The following NRXN3 variants were observed in gnomAD, a reference collection of about 807,000 sequenced individuals.
NRXN3 encodes the protein neurexin III.
NRXN3 carries 32 observed loss-of-function variants against 137.6 expected under a neutral mutation model. The ratio of observed to expected loss-of-function variants is 0.23; its 90% CI spans 0.18 to 0.31. The LOEUF is 0.31. Ranked by LOEUF, NRXN3 falls within the 10% of genes least tolerant of loss-of-function variation. NRXN3 has a pLI of 1.00. For missense variants in NRXN3, 1,574 were observed against 2,062.5 expected, an observed-to-expected ratio of 0.76 and a Z score of 4.59; for synonymous variants, 798 against 784.5, an observed-to-expected ratio of 1.02 and a Z score of -0.29.
intron 4 of NRXN3, among the ~76,000 whole-genome samples, chr14:78,300,965 A>G (rs1378436917): frequency 1.3e-5 from 2 of 152,122 alleles, no homozygotes; most frequent in Admixed American, 1.3e-4. Flanking sequence ...TCTATCAGGA[A>G]CGGGGGAGGG....
At chr14:78,743,861 T>G (rs2098594313) in intron 8 of NRXN3, among the ~76,000 whole-genome samples, 1 of 152,158 alleles carries the variant, frequency 6.6e-6, no homozygotes, top group Non-Finnish European at 1.5e-5. Flanking sequence ...TTAAGATTGT[T>G]CTAGGATCAT....
At chr14:79,678,142 TCC>T (rs142742749) in intron 17 of NRXN3, among the ~76,000 whole-genome samples, 1 of 151,816 alleles carries the variant, frequency 6.6e-6, no homozygotes, top group South Asian at 2.1e-4. Context: ...TCTTCCAACC[TCC>T]CCCTACTCCA....
intron 15 of NRXN3, among the ~76,000 whole-genome samples, chr14:79,229,745 C>T (rs890614559): frequency 1.3e-5 from 2 of 152,114 alleles, no homozygotes; most frequent in African/African-American, 4.8e-5. Context: ...AGCTGTCCGT[C>T]TTGTCCTCGT....
chr14:79,168,849 A>G (rs1269667010), intron 15 of NRXN3, among the ~76,000 whole-genome samples: 1 of 152,078 alleles, frequency 6.6e-6, no homozygotes, highest in Non-Finnish European at 1.5e-5. Flanking sequence ...AATTTATAGT[A>G]TGTGGTATCG....
intron 15 of NRXN3, among the ~76,000 whole-genome samples, chr14:79,225,494 G>A (rs1385053665): frequency 6.6e-6 from 1 of 152,050 alleles, no homozygotes; most frequent in Admixed American, 6.6e-5. Context: ...TTATGTCTTA[G>A]TTTCCTATCA....
intron 15 of NRXN3, chr14:79,200,155 G>A (rs1014891284): frequency 2.0e-5 from 3 of 152,196 alleles, no homozygotes; most frequent in Non-Finnish European, 4.4e-5. Flanking sequence ...CTGAAGGTGA[G>A]AGTTTTGAGG....
intron 10 of NRXN3, among the ~76,000 whole-genome samples, chr14:78,838,905 A>T (rs886333192): frequency 6.6e-6 from 1 of 152,100 alleles, no homozygotes; most frequent in African/African-American, 2.4e-5. Context: ...TCCAAAAGAG[A>T]TGAAGCTCAT....
intron 10 of NRXN3, among the ~76,000 whole-genome samples, chr14:78,932,403 G>C (rs867115482): frequency 6.6e-6 from 1 of 152,180 alleles, no homozygotes; most frequent in Non-Finnish European, 1.5e-5. Context: ...TTGAGTACCT[G>C]TTGACAGGTG....
At chr14:79,590,902 T>C (rs1460259344) in intron 16 of NRXN3, among the ~76,000 whole-genome samples, 1 of 152,254 alleles carries the variant, frequency 6.6e-6, no homozygotes, top group Non-Finnish European at 1.5e-5. Flanking sequence ...TTTGCCACTA[T>C]GCTGTCTCTC....
At chr14:79,515,844 T>G (rs991153483) in intron 16 of NRXN3, among the ~76,000 whole-genome samples, 17 of 152,180 alleles carry the variant, frequency 1.1e-4, no homozygotes, top group Non-Finnish European at 2.1e-4. Flanking sequence ...GTAGCAGTGT[T>G]TAGCGTGGCA....
At chr14:79,570,617 A>G (rs1406963202) in intron 16 of NRXN3, 1 of 152,212 alleles carries the variant, frequency 6.6e-6, no homozygotes, top group African/African-American at 2.4e-5. Flanking sequence ...GTGATATGGA[A>G]TGAGATATGA....
chr14:79,759,015 A>G (rs1254704066), intron 19 of NRXN3, among the ~76,000 whole-genome samples: 1 of 152,224 alleles, frequency 6.6e-6, no homozygotes, highest in East Asian at 1.9e-4. Context: ...TCAGTATTAC[A>G]GAAATCAGCT....
At chr14:78,669,360 G>T (rs565606596) in intron 6 of NRXN3, among the ~76,000 whole-genome samples, 43 of 152,176 alleles carry the variant, frequency 2.8e-4, no homozygotes, top group African/African-American at 1.0e-3. Flanking sequence ...AAAAATTCAG[G>T]GTGAGTCCAT....
intron 1 of NRXN3, among the ~76,000 whole-genome samples, chr14:78,236,594 G>GGTAATTGT (rs1386020077): frequency 2.6e-5 from 4 of 152,150 alleles, no homozygotes; most frequent in African/African-American, 4.8e-5. Context: ...TACCTAAAAG[G>GGTAATTGT]GTAATTGTGG....
chr14:78,716,588 T>C (rs1345466168), intron 8 of NRXN3, among the ~76,000 whole-genome samples: 1 of 152,164 alleles, frequency 6.6e-6, no homozygotes, highest in Admixed American at 6.5e-5. Context: ...GGGTCTCATC[T>C]CTACAGACCA....
In NRXN3 at chr14:79,697,591, G is replaced by A. The variant is rs374003943; in HGVS notation, c.3707-39G>A. The A allele has an allele frequency of 3.3e-5, 52 of 1,587,964 alleles. No individual in the cohort carries two copies. The South Asian group carries it at 4.7e-4, about 14-fold the overall frequency. The stretch of plus-strand genomic sequence containing the variant: ...ACCAGGTAAGGCAAACAAGGAAAAC[G>A]TATGAGAATAATAATGTTTCCTCCA... On this transcript the variant is annotated intron_variant, in intron 18 of 20. Transcript: ENST00000335750.
intron 14 of NRXN3, among the ~76,000 whole-genome samples, chr14:78,983,476 G>A (rs2099494710): frequency 6.6e-6 from 1 of 151,974 alleles, no homozygotes; most frequent in Admixed American, 6.6e-5. Flanking sequence ...TTTTGATTGG[G>A]GTATTTGTTT....
intron 15 of NRXN3, among the ~76,000 whole-genome samples, chr14:79,431,001 A>G (rs1222968691): frequency 6.6e-6 from 1 of 152,202 alleles, no homozygotes; most frequent in Non-Finnish European, 1.5e-5. Context: ...TATTTTGAGC[A>G]CACAGAAATT....
intron 1 of NRXN3, among the ~76,000 whole-genome samples, chr14:78,215,984 A>G (rs2063235819): frequency 6.6e-6 from 1 of 152,186 alleles, no homozygotes; most frequent in Admixed American, 6.5e-5. Context: ...AACATGGGGA[A>G]TTTCCTGCCA....
Sources: gnomAD v4.1 joint callset for allele counts (sites outside exome capture counted in the v4.1 genomes callset) on GRCh38, gnomAD v4.1.1 for gene constraint, MANE v1.5 for transcripts, NCBI Gene and HGNC (gene_info 2026-07-23, HGNC 2026-07-21) for gene names.